MSH3: variants seen among roughly 807,000 people sequenced by gnomAD.
MSH3 encodes the protein DNA mismatch repair protein Msh3.
In MSH3, 106 loss-of-function variants were observed where a neutral mutation model predicts 123.3. The observed-to-expected ratio is 0.86, with a 90% confidence interval of 0.73 to 1.01. MSH3 has a LOEUF of 1.01. MSH3 is among the 50% of genes least tolerant of loss of function. MSH3 has a pLI of 0.00. For missense variants in MSH3, 1,459 were observed against 1,347.6 expected (o/e 1.08, Z -1.29); for synonymous variants, 515 against 481.4 (o/e 1.07, Z -0.91).
At chr5:80,862,427 A>G (rs1268564030) in intron 21 of MSH3, among the ~76,000 whole-genome samples, 1 of 152,180 alleles carries the variant, frequency 6.6e-6, no homozygotes, top group Non-Finnish European at 1.5e-5. Context: ...AGAGGTTTCC[A>G]GAATATATAA....
rs1004860091 is a variant in MSH3, at chr5:80,768,247, A to T, written c.2084+127A>T. 4.7e-5 allele frequency: 43 copies of T among 914,854 alleles called. No homozygotes were observed. In the Middle Eastern group the frequency reaches 6.5e-4, roughly 14 times the overall value. 56.7% of individuals were successfully genotyped at this position (914,854 alleles called of 1,614,324 possible). Reference sequence around the variant, plus strand: ...AAGTTGCATGAGTACATATATAATTAGAAATGTGATTGGACCCTAAAAGTG... The same window carrying T: ...AAGTTGCATGAGTACATATATAATTTGAAATGTGATTGGACCCTAAAAGTG... On this transcript the variant is annotated intron_variant, in intron 14 of 23. Coordinates refer to ENST00000265081, the MANE Select transcript of MSH3 (RefSeq NM_002439.5).
intron 8 of MSH3, among the ~76,000 whole-genome samples, chr5:80,709,515 C>T (rs1039613487): frequency 8.6e-5 from 13 of 151,922 alleles, no homozygotes; most frequent in South Asian, 4.1e-4. Context: ...CCAGCTACTC[C>T]GGAGGCTGAG....
intron 20 of MSH3, among the ~76,000 whole-genome samples, chr5:80,819,380 G>GTGTA (rs1173844626): frequency 7.1e-5 from 1 of 14,008 alleles, no homozygotes; most frequent in African/African-American, 2.2e-4. Context: ...ATATATATGT[G>GTGTA]TATATATGTA....
At chr5:80,850,708 T>G (rs936836004) in intron 20 of MSH3, among the ~76,000 whole-genome samples, 11 of 152,224 alleles carry the variant, frequency 7.2e-5, no homozygotes, top group African/African-American at 2.7e-4. Flanking sequence ...TTACGGGAGC[T>G]ACAAGAAAAG....
intron 20 of MSH3, among the ~76,000 whole-genome samples, chr5:80,826,624 C>T (rs562962475): frequency 1.3e-5 from 2 of 151,062 alleles, no homozygotes; most frequent in South Asian, 4.2e-4. Context: ...TCTTGGCTCA[C>T]TGCAACCTCT....
At chr5:80,798,451 A>G (rs146989792) in intron 19 of MSH3, among the ~76,000 whole-genome samples, 2 of 152,356 alleles carry the variant, frequency 1.3e-5, no homozygotes, top group African/African-American at 4.8e-5. Context: ...ATAAAAGTTT[A>G]AAAGACTAGT....
At chr5:80,738,650 A>T (rs538495011) in intron 10 of MSH3, among the ~76,000 whole-genome samples, 35 of 152,146 alleles carry the variant, frequency 2.3e-4, no homozygotes, top group South Asian at 1.2e-3. Context: ...TGTCTTACAC[A>T]TCTGTTGTTG....
intron 20 of MSH3, among the ~76,000 whole-genome samples, chr5:80,833,002 C>T (rs910550500): frequency 6.6e-6 from 1 of 152,118 alleles, no homozygotes; most frequent in Non-Finnish European, 1.5e-5. Flanking sequence ...ATAGTAAGAT[C>T]TCATAAAAAC....
chr5:80,748,485 A>G (rs1358851020), intron 12 of MSH3, among the ~76,000 whole-genome samples: 1 of 152,000 alleles, frequency 6.6e-6, no homozygotes, highest in Non-Finnish European at 1.5e-5. Flanking sequence ...ATTTTTTCTT[A>G]TGTGTTCTCA....
At chr5:80,703,051 T>C (rs1370499580) in intron 8 of MSH3, among the ~76,000 whole-genome samples, 1 of 152,212 alleles carries the variant, frequency 6.6e-6, no homozygotes, top group Non-Finnish European at 1.5e-5. Context: ...GAAGTTCTTA[T>C]TATGTACCTG....
At chr5:80,801,383 C>T (rs1744787865) in intron 19 of MSH3, among the ~76,000 whole-genome samples, 2 of 152,042 alleles carry the variant, frequency 1.3e-5, no homozygotes, top group African/African-American at 4.8e-5. Context: ...TGTCTTTTTT[C>T]CTGCTGGTGT....
At chr5:80,848,615 A>G (rs1032632232) in intron 20 of MSH3, among the ~76,000 whole-genome samples, 3 of 152,222 alleles carry the variant, frequency 2.0e-5, no homozygotes, top group Non-Finnish European at 4.4e-5. Context: ...GGCAGCAGGT[A>G]AAGATATTGT....
chr5:80,838,712 A>G (rs1345887265), intron 20 of MSH3, among the ~76,000 whole-genome samples: 2 of 152,134 alleles, frequency 1.3e-5, no homozygotes, highest in African/African-American at 4.8e-5. Context: ...TTCTTTTTAC[A>G]GACAAGGAAG....
In MSH3 at chr5:80,685,550, TTC is replaced by T. The variant is rs1252121337; in HGVS notation, c.1340+6463_1340+6464del. 2.0e-5 allele frequency among the ~76,000 whole-genome samples: 3 copies of T among 152,198 alleles called. No individual in the cohort carries two copies. The East Asian group carries it at 5.8e-4, about 29-fold the overall frequency. On this transcript the variant is annotated intron_variant, in intron 8 of 23. Transcript: ENST00000265081. Reference sequence around the variant, plus strand: ...ATCTCTAATTTTGTTTATTTGGGGTTTCTCTCTTTTTTCACAGTCTGGGAAAG... The same window carrying T: ...ATCTCTAATTTTGTTTATTTGGGGTTTCTCTTTTTTCACAGTCTGGGAAAG...
chr5:80,769,995 A>G (rs1008498042), intron 15 of MSH3, among the ~76,000 whole-genome samples: 1 of 152,108 alleles, frequency 6.6e-6, no homozygotes, highest in Admixed American at 6.5e-5. Context: ...AATTATTAAG[A>G]TATTATACTC....
intron 13 of MSH3, among the ~76,000 whole-genome samples, chr5:80,763,867 A>G (rs1744082273): frequency 6.6e-6 from 1 of 152,226 alleles, no homozygotes; most frequent in Non-Finnish European, 1.5e-5. Context: ...AGTGGCCGGT[A>G]TGCAGTGCAA....
At chr5:80,767,551 T>C (rs551971908) in intron 13 of MSH3, among the ~76,000 whole-genome samples, 2 of 152,280 alleles carry the variant, frequency 1.3e-5, no homozygotes, top group Non-Finnish European at 2.9e-5. Flanking sequence ...ATTATTCATC[T>C]TTTTCTTGTC....
At chr5:80,720,013 G>A (rs1424263307) in intron 8 of MSH3, among the ~76,000 whole-genome samples, 1 of 152,128 alleles carries the variant, frequency 6.6e-6, no homozygotes, top group African/African-American at 2.4e-5. Flanking sequence ...GATGCTACTG[G>A]TCTGGTGACC....
At chr5:80,873,042 T>C in intron 22 of MSH3, 74 bp from the exon 23 acceptor site, 3 of 1,293,748 alleles carry the variant, frequency 2.3e-6, no homozygotes, top group Non-Finnish European at 3.4e-6. Flanking sequence ...TATGAGAACT[T>C]ACATGTCCTT....
Sources: gnomAD v4.1 joint callset for allele counts (sites outside exome capture counted in the v4.1 genomes callset) on GRCh38, gnomAD v4.1.1 for gene constraint, MANE v1.5 for transcripts, NCBI Gene and HGNC (gene_info 2026-07-23, HGNC 2026-07-21) for gene names.